Variants in ZNF565 observed in about 807,000 individuals in gnomAD.
ZNF565 encodes zinc finger protein 565.
A neutral mutation model predicts 39.4 loss-of-function variants in ZNF565; 27 were observed. The observed-to-expected ratio is 0.69, with a 90% CI of 0.51 to 0.95. The LOEUF (loss-of-function observed/expected upper bound fraction) is 0.95, where lower values mean the gene tolerates loss of function less well. ZNF565 is among the 40% of genes least tolerant of loss of function. The pLI is 0.00. For missense variants in ZNF565, 524 were observed against 621.1 expected (o/e 0.84, Z 1.66); for synonymous variants, 185 against 216.6 (o/e 0.85, Z 1.28).
intron 4 of ZNF565, among the ~76,000 whole-genome samples, chr19:36,193,183 G>A (rs1975626967): frequency 6.6e-6 from 1 of 151,734 alleles, no homozygotes; most frequent in Non-Finnish European, 1.5e-5. Context: ...TTTTAGTAGA[G>A]ACAGGGTTTC....
intron 1 of ZNF565, among the ~76,000 whole-genome samples, chr19:36,220,140 G>C (rs1976772041): frequency 6.6e-6 from 1 of 152,126 alleles, no homozygotes; most frequent in Non-Finnish European, 1.5e-5. Flanking sequence ...TCTCCAAGGA[G>C]CTCTGGTTCC....
rs1175879973 is a variant in ZNF565, at chr19:36,245,166, C to T, written c.55+310G>A. Among the ~76,000 whole-genome samples the T allele has an allele frequency of 6.6e-6, 1 of 152,228 alleles. No individual in the cohort carries two copies. The highest frequency in any genetic ancestry group is 2.4e-5 in the African/African-American group (1 of 41,458). On this transcript the variant is annotated intron_variant, in intron 1 of 4. Transcript: ENST00000355114. This position sits in a 1 kb window ranked among gnomAD's most constrained non-coding sequence, Gnocchi z 4.4. ...CGAGAGCCATGGATTCGCATTTGCGCAGAGTCGGGGTCTGTTGCTACGGGT... is the reference window on the plus strand; with the variant it reads ...CGAGAGCCATGGATTCGCATTTGCGTAGAGTCGGGGTCTGTTGCTACGGGT...
intron 4 of ZNF565, among the ~76,000 whole-genome samples, chr19:36,189,827 ATTTTG>A (rs903625432): frequency 2.6e-5 from 4 of 151,786 alleles, no homozygotes; most frequent in South Asian, 2.1e-4. Flanking sequence ...TTTTTGTTTT[ATTTTG>A]TTTTGTTTTG....
Position 36,182,403 on chromosome 19 carries a change from A to C in ZNF565, c.*63T>G. 1 of 1,422,848 alleles carries C rather than the reference A, an allele frequency of 7.0e-7. No homozygotes were observed. Among genetic ancestry groups the C allele is most frequent in the Non-Finnish European group, 9.4e-7 (1 of 1,059,576 alleles). 88.1% of individuals were successfully genotyped at this position (1,422,848 alleles called of 1,614,324 possible). A position where few individuals can be genotyped will look rare whatever the true frequency, so the allele number is the denominator to read the frequency against. ...AATTACACTACATTAAAAATTACCTAGTACTGAGCCAGATGTGAACTCCAC... is the reference window on the plus strand; with the variant it reads ...AATTACACTACATTAAAAATTACCTCGTACTGAGCCAGATGTGAACTCCAC... On this transcript the variant is annotated 3_prime_UTR_variant, in exon 5 of 5. Coordinates refer to ENST00000304116, the MANE Select transcript of ZNF565 (RefSeq NM_152477.5).
intron 4 of ZNF565, among the ~76,000 whole-genome samples, chr19:36,190,286 G>T (rs1339318129): frequency 2.0e-5 from 3 of 151,980 alleles, no homozygotes; most frequent in Non-Finnish European, 4.4e-5. Context: ...AATTCAGATT[G>T]CTAATCAGGG....
chr19:36,235,455 T>C (rs950074752), intron 1 of ZNF565, among the ~76,000 whole-genome samples: 4 of 152,218 alleles, frequency 2.6e-5, no homozygotes, highest in African/African-American at 9.6e-5. Context: ...TTGGAAGCAT[T>C]AATAATATAG....
rs912160009 is a variant in ZNF565, at chr19:36,194,436, C to A, written c.137-108G>T. 2.3e-5 allele frequency: 19 copies of A among 823,306 alleles called. No individual in the cohort carries two copies. The East Asian group carries it at 5.1e-4, about 22-fold the overall frequency. The allele number at this position is 823,306 out of a possible 1,614,324, so 51.0% of individuals were successfully genotyped here. A position where few individuals can be genotyped will look rare whatever the true frequency, so the allele number is the denominator to read the frequency against. ...AATTACAAGGTAGGTGGAAGGTTGT[C>A]CAAAGGATAGGAAGACCGAGCTGCC... On this transcript the variant is annotated intron_variant, in intron 3 of 4. Coordinates refer to ENST00000304116, the MANE Select transcript of ZNF565 (RefSeq NM_152477.5).
intron 4 of ZNF565, among the ~76,000 whole-genome samples, chr19:36,185,267 A>G (rs1975248030): frequency 6.6e-6 from 1 of 151,856 alleles, no homozygotes; most frequent in African/African-American, 2.4e-5. Flanking sequence ...ATACAAAATT[A>G]GCCGGCCGTG....
intron 1 of ZNF565, among the ~76,000 whole-genome samples, chr19:36,233,679 T>G (rs1977500654): frequency 6.6e-6 from 1 of 152,218 alleles, no homozygotes; most frequent in Admixed American, 6.5e-5. Context: ...TGCTGTGCTT[T>G]TGATGTGCAT....
At chr19:36,220,657 C>A (rs748121003) in intron 1 of ZNF565, among the ~76,000 whole-genome samples, 1 of 151,798 alleles carries the variant, frequency 6.6e-6, no homozygotes, top group African/African-American at 2.4e-5. Context: ...TGAGCCACGG[C>A]GCCCGGCCTC....
chr19:36,189,744 CTT>C (rs1975457393), intron 4 of ZNF565, among the ~76,000 whole-genome samples: 2 of 152,206 alleles, frequency 1.3e-5, no homozygotes, highest in South Asian at 4.1e-4. Context: ...GACAAGAACA[CTT>C]TTATGGAATC....
intron 1 of ZNF565, among the ~76,000 whole-genome samples, chr19:36,227,238 A>AC (rs1286405888): frequency 6.6e-6 from 1 of 151,338 alleles, no homozygotes; most frequent in East Asian, 1.9e-4. Context: ...AAATTACAAA[A>AC]ATTAGCTGGG....
Position 36,245,459 on chromosome 19 carries a change from C to T in ZNF565, c.55+17G>A, listed in dbSNP as rs111296848. On this transcript the variant is annotated intron_variant, in intron 1 of 4. Coordinates refer to the ZNF565 transcript ENST00000355114. This position sits in a 1 kb window ranked among gnomAD's most constrained non-coding sequence, Gnocchi z 4.4. The stretch of plus-strand genomic sequence containing the variant: ...GGATCACATTTCCCGTGGTCCACCG[C>T]GCATCTAGGAGGTTACCTGCGTCCA... 1 of 702,298 alleles carries T rather than the reference C, an allele frequency of 1.4e-6. No individual in the cohort carries two copies. The highest frequency in any genetic ancestry group is 2.6e-6 in the Non-Finnish European group (1 of 384,776). 43.5% of individuals were successfully genotyped at this position (702,298 alleles called of 1,614,324 possible). A position where few individuals can be genotyped will look rare whatever the true frequency, so the allele number is the denominator to read the frequency against.
intron 1 of ZNF565, among the ~76,000 whole-genome samples, chr19:36,240,446 G>A (rs4806294): frequency 0.26 from 39,402 of 152,074 alleles, 5,509 homozygotes; most frequent in African/African-American, 0.37. Context: ...GAAAAACACA[G>A]GGATGGAGAC....
At chr19:36,190,121 C>T (rs985878483) in intron 4 of ZNF565, among the ~76,000 whole-genome samples, 9 of 152,116 alleles carry the variant, frequency 5.9e-5, no homozygotes, top group East Asian at 1.9e-4. Context: ...TGTGTGCCAC[C>T]GCGCCCGTCC....
chr19:36,241,301 T>C lies in ZNF565; in HGVS notation c.55+4175A>G, dbSNP rs1977794947. Among the ~76,000 whole-genome samples the C allele has an allele frequency of 2.0e-5, 3 of 150,872 alleles. No homozygotes were observed. In the South Asian group the frequency reaches 6.3e-4, roughly 32 times the overall value. On this transcript the variant is annotated intron_variant, in intron 1 of 4. Coordinates refer to the ZNF565 transcript ENST00000355114. ...GAGTTCGAGACCAGCCTGGCCAGCA[T>C]GGCAAAACCCCGCCTCTACTAAAAA...
chr19:36,191,964 C>G (rs56330031), intron 4 of ZNF565, among the ~76,000 whole-genome samples: 16,885 of 151,778 alleles, frequency 0.11, 1,127 homozygotes, highest in African/African-American at 0.19. Flanking sequence ...AGAAACAAGA[C>G]AGGCCCTATC....
In ZNF565 at chr19:36,245,129, T is replaced by C. The variant is rs2029886443; in HGVS notation, c.55+347A>G. ...TCCACAGCCTGAGACCCGGCGAGCC[T>C]CGCTGCCCTTGCGAGAGCCATGGAT... On this transcript the variant is annotated intron_variant, in intron 1 of 4. Transcript: ENST00000355114. This position sits in a 1 kb window ranked among gnomAD's most constrained non-coding sequence, Gnocchi z 4.4. Among the ~76,000 whole-genome samples, 1 of 152,224 alleles carries C rather than the reference T, an allele frequency of 6.6e-6. No individual in the cohort carries two copies. The highest frequency in any genetic ancestry group is 2.1e-4 in the South Asian group (1 of 4,834).
At chr19:36,191,076 T>G (rs1318919818) in intron 4 of ZNF565, among the ~76,000 whole-genome samples, 2 of 149,698 alleles carry the variant, frequency 1.3e-5, no homozygotes, top group East Asian at 3.9e-4. Flanking sequence ...GTTGAACACA[T>G]AAAGTCTCTA....
Sources: gnomAD v4.1 joint callset for allele counts (sites outside exome capture counted in the v4.1 genomes callset) on GRCh38, gnomAD v4.1.1 for gene constraint, Gnocchi (gnomAD v3.1) non-coding constraint, MANE v1.5 for transcripts, NCBI Gene and HGNC (gene_info 2026-07-23, HGNC 2026-07-21) for gene names.